The following C16orf87 variants were observed in gnomAD, a reference collection of about 807,000 sequenced individuals.
The protein encoded by C16orf87 is UPF0547 protein C16orf87.
C16orf87 carries 13 observed loss-of-function variants against 21.0 expected under a neutral mutation model. The observed-to-expected ratio is 0.62, with a 90% CI of 0.40 to 0.98. The LOEUF (loss-of-function observed/expected upper bound fraction) is 0.98. Among genes scored for constraint, C16orf87 ranks in the 50% least tolerant of loss-of-function variants. The pLI, the probability that C16orf87 is intolerant of heterozygous loss-of-function variation, is 0.00. For missense variants in C16orf87, 113 were observed against 180.4 expected, an observed-to-expected ratio of 0.63 and a Z score of 2.14; for synonymous variants, 49 against 60.2, an observed-to-expected ratio of 0.81 and a Z score of 0.86.
chr16:46,811,113 G>A (rs1968069357), intron 2 of C16orf87, among the ~76,000 whole-genome samples: 1 of 152,172 alleles, frequency 6.6e-6, no homozygotes, highest in Non-Finnish European at 1.5e-5. Flanking sequence ...GCTAATAAAT[G>A]AAGAAGGAAT....
chr16:46,813,453 C>A (rs1968156590), intron 2 of C16orf87, among the ~76,000 whole-genome samples: 1 of 148,720 alleles, frequency 6.7e-6, no homozygotes, highest in South Asian at 2.1e-4. Context: ...CAAACCTATT[C>A]TCTACGTACC....
chr16:46,811,791 T>C (rs1217332363), intron 2 of C16orf87, among the ~76,000 whole-genome samples: 1 of 152,082 alleles, frequency 6.6e-6, no homozygotes, highest in Non-Finnish European at 1.5e-5. Context: ...AAAAAAGATA[T>C]AATCTAGCCA....
intron 2 of C16orf87, among the ~76,000 whole-genome samples, chr16:46,822,381 C>T (rs1289722883): frequency 6.6e-6 from 1 of 152,230 alleles, no homozygotes; most frequent in Non-Finnish European, 1.5e-5. Flanking sequence ...ACTGAGCTGA[C>T]ACGCCACCCC....
chr16:46,820,889 G>A (rs1020952889), intron 2 of C16orf87, among the ~76,000 whole-genome samples: 14 of 152,110 alleles, frequency 9.2e-5, no homozygotes, highest in Admixed American at 2.0e-4. Context: ...TGTGAACTGT[G>A]GGCAAAAAGA....
chr16:46,831,064 G>A lies in C16orf87; in HGVS notation c.66+20C>T. The A allele has an allele frequency of 1.3e-6, 2 of 1,556,228 alleles. No homozygotes were observed. The highest frequency in any genetic ancestry group is 1.4e-5 in the African/African-American group (1 of 70,980). On this transcript the variant is annotated intron_variant, in intron 1 of 3. Coordinates refer to ENST00000285697, the MANE Select transcript of C16orf87 (RefSeq NM_001001436.4). ...CCAAGCCACTGCCGCCCGCCCGCGC[G>A]CCCGGCCCCCGGCACCCACCTGTTG...
At position 46,831,112 on chromosome 16, in the gene C16orf87, G is replaced by A. The variant is rs760355965; in HGVS notation, c.38C>T (p.Thr13Ile). The stretch of plus-strand genomic sequence containing the variant: ...TTGGTCGCACTCGGGGCATGATTTG[G>A]TGGCCATCTTCACTTTCTTGGCTCG... Reference protein sequence around the residue: ...ATRAKKVKMATKSCPECDQQV... With the variant: ...ATRAKKVKMAIKSCPECDQQV... Residue 13 changes from threonine to isoleucine, a missense_variant, in exon 1 of 4, where the codon ACC (threonine) becomes ATC (isoleucine). Transcript: ENST00000285697. 7.6e-6 allele frequency: 12 copies of A among 1,582,946 alleles called. No homozygotes were observed. The highest frequency in any genetic ancestry group is 4.2e-5 in the African/African-American group (3 of 72,256).
In C16orf87 at chr16:46,809,753, C is replaced by T; in HGVS notation, c.196G>A (p.Glu66Lys). ...TTTATCTTCTCTCTCCTAACTCTCT[C>T]TGTTCGCCTCCTCTTGGCCTCATGC... ...NKHEAKRRRT[E>K]RVRREKINST... The change falls in exon 3 of 4, where the codon GAG (glutamate) becomes AAG (lysine). Residue 66 changes from glutamate (E) to lysine (K), a missense_variant. By Grantham distance (56) the Glu-to-Lys change is moderately conservative. Coordinates refer to ENST00000285697, the MANE Select transcript of C16orf87 (RefSeq NM_001001436.4). 1 of 1,609,896 alleles carries T rather than the reference C, an allele frequency of 6.2e-7. No homozygotes were observed. The highest frequency in any genetic ancestry group is 8.5e-7 in the Non-Finnish European group (1 of 1,176,968).
At chr16:46,805,051 C>T (rs2143047239) in intron 3 of C16orf87, among the ~76,000 whole-genome samples, 1 of 152,200 alleles carries the variant, frequency 6.6e-6, no homozygotes, top group East Asian at 1.9e-4. Context: ...TGATGACGAA[C>T]TCTGGTATAA....
At chr16:46,812,243 CAATA>C (rs575742837) in intron 2 of C16orf87, among the ~76,000 whole-genome samples, 36 of 151,538 alleles carry the variant, frequency 2.4e-4, no homozygotes, top group Admixed American at 1.8e-3. Context: ...GACTCTGTCT[CAATA>C]AATAAATAAA....
Position 46,801,510 on chromosome 16 carries a change from A to C in C16orf87, c.*1442T>G, listed in dbSNP as rs1555475751. On this transcript the variant is annotated 3_prime_UTR_variant, in exon 4 of 4. Transcript: ENST00000285697. ...ACTCCAGCCTGGGCGACCGAGCAAG[A>C]CTCTGTCTCCTAAATAAATAAATAA... 1 of 152,152 alleles carries C rather than the reference A, an allele frequency of 6.6e-6. No individual in the cohort carries two copies. The highest frequency in any genetic ancestry group is 1.5e-5 in the Non-Finnish European group (1 of 68,046). The allele number at this position is 152,152 out of a possible 1,614,324, so 9.4% of individuals were successfully genotyped here. A position where few individuals can be genotyped will look rare whatever the true frequency, so the allele number is the denominator to read the frequency against.
At chr16:46,806,776 C>CCT (rs1967943071) in intron 3 of C16orf87, among the ~76,000 whole-genome samples, 3 of 152,274 alleles carry the variant, frequency 2.0e-5, no homozygotes, top group Admixed American at 1.3e-4. Context: ...TTCCATTCTT[C>CCT]CTTCTTATTC....
chr16:46,810,240 C>A (rs1197854567), intron 2 of C16orf87, among the ~76,000 whole-genome samples: 1 of 152,068 alleles, frequency 6.6e-6, no homozygotes, highest in Non-Finnish European at 1.5e-5. Context: ...ATTAAGGTTA[C>A]AATAAAAATC....
intron 3 of C16orf87, among the ~76,000 whole-genome samples, chr16:46,807,550 A>G (rs913568511): frequency 1.3e-5 from 2 of 152,220 alleles, no homozygotes; most frequent in African/African-American, 2.4e-5. Flanking sequence ...TCATTTATGC[A>G]TGATTTATGG....
At chr16:46,822,570 G>T (rs1466532740) in intron 2 of C16orf87, among the ~76,000 whole-genome samples, 1 of 152,164 alleles carries the variant, frequency 6.6e-6, no homozygotes, top group Non-Finnish European at 1.5e-5. Flanking sequence ...GAAGAGAACT[G>T]AAACAGTGAC....
intron 2 of C16orf87, among the ~76,000 whole-genome samples, chr16:46,820,816 C>T (rs1170043597): frequency 6.6e-6 from 1 of 152,172 alleles, no homozygotes; most frequent in East Asian, 1.9e-4. Context: ...ATGCTCCCAC[C>T]AACAGTATGA....
intron 2 of C16orf87, among the ~76,000 whole-genome samples, chr16:46,812,556 T>C (rs1250625938): frequency 6.6e-6 from 1 of 152,204 alleles, no homozygotes; most frequent in Non-Finnish European, 1.5e-5. Context: ...GGTCATTTTC[T>C]ACTTTTGCAT....
intron 3 of C16orf87, among the ~76,000 whole-genome samples, chr16:46,807,398 C>T (rs1017145524): frequency 6.7e-6 from 1 of 148,650 alleles, no homozygotes. Context: ...GCCTGGGTAA[C>T]AGAGTGAGAC....
At position 46,800,282 on chromosome 16, in the gene C16orf87, T is replaced by G. The variant is rs1967734048; in HGVS notation, c.*2670A>C. On this transcript the variant is annotated 3_prime_UTR_variant, in exon 4 of 4. Transcript: ENST00000285697. ...TTAAATTTTCTCATCATAAACTGCT[T>G]CAAGCTGTTTGATCACTTCCACTGA... The G allele has an allele frequency of 1.3e-5, 2 of 152,108 alleles. No homozygotes were observed. Among genetic ancestry groups the G allele is most frequent in the Non-Finnish European group, 2.9e-5 (2 of 68,004 alleles). 9.4% of individuals were successfully genotyped at this position (152,108 alleles called of 1,614,324 possible). A position where few individuals can be genotyped will look rare whatever the true frequency, so the allele number is the denominator to read the frequency against.
intron 2 of C16orf87, among the ~76,000 whole-genome samples, chr16:46,819,599 C>T (rs537731975): frequency 3.3e-5 from 5 of 152,068 alleles, no homozygotes; most frequent in African/African-American, 1.2e-4. Flanking sequence ...CGTGAGCCAC[C>T]GTGCCGGCTG....
Sources: gnomAD v4.1 joint callset for allele counts (sites outside exome capture counted in the v4.1 genomes callset) on GRCh38, gnomAD v4.1.1 for gene constraint, MANE v1.5 for transcripts, NCBI Gene and HGNC (gene_info 2026-07-23, HGNC 2026-07-21) for gene names.